The following CALN1 variants were observed in gnomAD, a reference collection of about 807,000 sequenced individuals.
CALN1 encodes the protein calneuron 1.
In CALN1, 17 loss-of-function variants were observed where a neutral mutation model predicts 30.6. The observed-to-expected ratio is 0.56, with a 90% CI of 0.38 to 0.83. CALN1 has a LOEUF of 0.83. Ranked by LOEUF, CALN1 falls within the 40% of genes least tolerant of loss-of-function variation. The probability of loss-of-function intolerance (pLI) is 0.00; values close to 1 mark genes in which losing one functional copy is unlikely to be tolerated. For synonymous variants in CALN1, 156 were observed against 131.4 expected, an observed-to-expected ratio of 1.19 and a Z score of -1.28; for missense variants, 291 against 354.9, an observed-to-expected ratio of 0.82 and a Z score of 1.45.
chr7:71,839,105 T>C (rs1254835665), intron 5 of CALN1, among the ~76,000 whole-genome samples: 1 of 151,982 alleles, frequency 6.6e-6, no homozygotes, highest in African/African-American at 2.4e-5. Flanking sequence ...CCACTGAACC[T>C]GGCCCATTTT....
chr7:72,117,970 GA>G lies in CALN1; in HGVS notation c.245-11677del, dbSNP rs1342596026. On this transcript the variant is annotated intron_variant, in intron 3 of 6. Transcript: ENST00000395275. ...GAGACACCGTCTCAAAAAAAAAAAA[GA>G]AAAAAAAAAAAGAATCACTGTTGAC... 4.1e-3 allele frequency among the ~76,000 whole-genome samples: 532 copies of G among 130,588 alleles called. 2 individuals carry two copies. Among genetic ancestry groups the G allele is most frequent in the Non-Finnish European group, 5.6e-3 (338 of 60,890 alleles). 85.7% of individuals were successfully genotyped at this position (130,588 alleles called of 152,430 possible). A position where few individuals can be genotyped will look rare whatever the true frequency, so the allele number is the denominator to read the frequency against.
Position 71,783,093 on chromosome 7 carries a change from G to A in CALN1, c.*4682C>T, listed in dbSNP as rs544239660. 6.6e-6 allele frequency: 1 copy of A among 152,108 alleles called. No homozygotes were observed. The highest frequency in any genetic ancestry group is 2.4e-5 in the African/African-American group (1 of 41,378). The allele number at this position is 152,108 out of a possible 1,614,324, so 9.4% of individuals were successfully genotyped here. A position where few individuals can be genotyped will look rare whatever the true frequency, so the allele number is the denominator to read the frequency against. On this transcript the variant is annotated 3_prime_UTR_variant, in exon 7 of 7. Transcript: ENST00000395275. Reference sequence around the variant, plus strand: ...TTTCAGATAGATTCTCCCCTTCTGGGGCAGTTGAGCAATCAGGTGTGGAGG... The same window carrying A: ...TTTCAGATAGATTCTCCCCTTCTGGAGCAGTTGAGCAATCAGGTGTGGAGG...
intron 5 of CALN1, among the ~76,000 whole-genome samples, chr7:71,978,817 G>A (rs917209): frequency 0.23 from 34,371 of 152,140 alleles, 6,137 homozygotes; most frequent in African/African-American, 0.49. Context: ...TATCACTGTA[G>A]TACATTTATG....
At chr7:72,418,057 C>CA (rs1188977801) in intron 1 of CALN1, among the ~76,000 whole-genome samples, 2 of 152,122 alleles carry the variant, frequency 1.3e-5, no homozygotes, top group Non-Finnish European at 2.9e-5. Flanking sequence ...AAAACATTCC[C>CA]ATCATCCAGG....
rs925233942 is a variant in CALN1, at chr7:72,266,659, T to A, written c.244+12027A>T. Among the ~76,000 whole-genome samples, 13 of 152,340 alleles carry A rather than the reference T, an allele frequency of 8.5e-5. No individual in the cohort carries two copies. In the East Asian group the frequency reaches 1.3e-3, roughly 16 times the overall value. ...TGATCGCTTTTGGAAACAGGCAGAATATAAATTACAAATTAATAGCATGAA... is the reference window on the plus strand; with the variant it reads ...TGATCGCTTTTGGAAACAGGCAGAAAATAAATTACAAATTAATAGCATGAA... On this transcript the variant is annotated intron_variant, in intron 3 of 6. Transcript: ENST00000395275.
At chr7:71,957,925 C>T (rs965330217) in intron 5 of CALN1, among the ~76,000 whole-genome samples, 2 of 151,614 alleles carry the variant, frequency 1.3e-5, no homozygotes, top group Non-Finnish European at 2.9e-5. Context: ...ATTAGCCAGG[C>T]GTGGTGGCAT....
intron 2 of CALN1, among the ~76,000 whole-genome samples, chr7:72,335,163 A>G (rs1423912424): frequency 1.3e-5 from 2 of 151,960 alleles, no homozygotes; most frequent in African/African-American, 4.8e-5. Flanking sequence ...ACCTCCTCCC[A>G]CCCCACAAAA....
upstream of CALN1, among the ~76,000 whole-genome samples, chr7:72,450,454 A>G (rs1233762890): frequency 6.6e-6 from 1 of 152,196 alleles, no homozygotes; most frequent in African/African-American, 2.4e-5. Flanking sequence ...GACTCAGGTC[A>G]ACAGAGGATG....
chr7:72,492,593 C>T, the CALN1 span, among the ~76,000 whole-genome samples: 1 of 152,224 alleles, frequency 6.6e-6, no homozygotes, highest in African/African-American at 2.4e-5. Flanking sequence ...CTGTCACAGA[C>T]CTCCAGCTAA....
intron 5 of CALN1, among the ~76,000 whole-genome samples, chr7:71,889,636 G>A (rs936159555): frequency 1.3e-5 from 2 of 152,122 alleles, no homozygotes; most frequent in African/African-American, 4.8e-5. Flanking sequence ...CCCACACCAT[G>A]GATTTGTGAT....
intron 5 of CALN1, among the ~76,000 whole-genome samples, chr7:72,014,188 G>C (rs375657878): frequency 3.4e-4 from 51 of 151,240 alleles, no homozygotes; most frequent in Non-Finnish European, 6.0e-4. Flanking sequence ...CTGGGCTCCG[G>C]TGATTCCCCT....
At chr7:72,439,046 T>A (rs1025116153) in intron 1 of CALN1, among the ~76,000 whole-genome samples, 2 of 152,120 alleles carry the variant, frequency 1.3e-5, no homozygotes, top group Admixed American at 6.6e-5. Context: ...GACTTTTTCT[T>A]TTTTTCTGGA....
chr7:72,333,539 A>T (rs1801812244), intron 2 of CALN1, among the ~76,000 whole-genome samples: 1 of 152,156 alleles, frequency 6.6e-6, no homozygotes, highest in South Asian at 2.1e-4. Flanking sequence ...TAAGAGTCAG[A>T]ACTCACACTG....
At chr7:72,355,044 G>C (rs1453306202) in intron 2 of CALN1, among the ~76,000 whole-genome samples, 1 of 152,006 alleles carries the variant, frequency 6.6e-6, no homozygotes, top group Admixed American at 6.6e-5. Flanking sequence ...GAATAGCTGG[G>C]ACTACAGGCT....
At chr7:72,033,280 C>T (rs1801574603) in intron 4 of CALN1, among the ~76,000 whole-genome samples, 1 of 151,994 alleles carries the variant, frequency 6.6e-6, no homozygotes, top group South Asian at 2.1e-4. Context: ...GTAAAATAAT[C>T]CTTAAAAAAA....
intron 5 of CALN1, among the ~76,000 whole-genome samples, chr7:71,910,427 G>A (rs1584493613): frequency 6.6e-6 from 1 of 152,326 alleles, no homozygotes; most frequent in East Asian, 1.9e-4. Context: ...GAGGAGATCA[G>A]GAAATATTGG....
chr7:72,499,127 T>C, the CALN1 span, among the ~76,000 whole-genome samples: 1 of 152,044 alleles, frequency 6.6e-6, no homozygotes, highest in Non-Finnish European at 1.5e-5. Context: ...ACCTCCTGGG[T>C]TCAAGTGATT....
chr7:71,936,306 G>A (rs191869886), intron 5 of CALN1, among the ~76,000 whole-genome samples: 272 of 151,828 alleles, frequency 1.8e-3, no homozygotes, highest in African/African-American at 5.9e-3. Context: ...AGACCATGCT[G>A]GCTAACAAGG....
chr7:71,839,980 A>C (rs1297472220), intron 5 of CALN1, among the ~76,000 whole-genome samples: 4 of 152,180 alleles, frequency 2.6e-5, no homozygotes. Flanking sequence ...TGCAGTCTGA[A>C]TGGAAGTCAG....
Sources: allele counts gnomAD v4.1 joint callset (sites outside exome capture counted in the v4.1 genomes callset), GRCh38; gene constraint gnomAD v4.1.1; transcripts MANE v1.5; gene names NCBI Gene and HGNC (gene_info 2026-07-23, HGNC 2026-07-21).